CACNB2: variants seen among roughly 807,000 people sequenced by gnomAD.
The protein encoded by CACNB2 is voltage-dependent L-type calcium channel subunit beta-2.
In CACNB2, 42 loss-of-function variants were observed where a neutral mutation model predicts 73.3. The ratio of observed to expected loss-of-function variants is 0.57; its 90% confidence interval spans 0.45 to 0.74. The LOEUF is 0.74. CACNB2 is among the 30% of genes least tolerant of loss of function. The probability of loss-of-function intolerance (pLI) is 0.00; values close to 1 mark genes in which losing one functional copy is unlikely to be tolerated. For missense variants in CACNB2, 940 were observed against 853.0 expected (o/e 1.10, Z -1.27); for synonymous variants, 348 against 310.3 (o/e 1.12, Z -1.28).
intron 2 of CACNB2, among the ~76,000 whole-genome samples, chr10:18,230,137 G>GCATA (rs2036168805): frequency 6.6e-6 from 1 of 152,104 alleles, no homozygotes; most frequent in Non-Finnish European, 1.5e-5. Flanking sequence ...TTACATAGTT[G>GCATA]GTTCAAAAGG....
At chr10:18,358,497 GCTCTCTCTCTCTCTCTCTCT>G (rs59205683) in intron 2 of CACNB2, among the ~76,000 whole-genome samples, 40 of 104,328 alleles carry the variant, frequency 3.8e-4, no homozygotes, top group Middle Eastern at 5.7e-3. Flanking sequence ...TAATGAGCAC[GCTCTCTCTCTCTCTCTCTCT>G]CTCTCTCTCT....
At chr10:18,262,178 A>G (rs1051541788) in intron 2 of CACNB2, among the ~76,000 whole-genome samples, 1 of 152,200 alleles carries the variant, frequency 6.6e-6, no homozygotes, top group Non-Finnish European at 1.5e-5. Flanking sequence ...AAGCTAATCA[A>G]TACTTAAAGT....
chr10:18,442,986 GTATATATA>G (rs369054241), intron 3 of CACNB2, among the ~76,000 whole-genome samples: 2 of 19,246 alleles, frequency 1.0e-4, no homozygotes, highest in Non-Finnish European at 1.6e-4. Flanking sequence ...ATATATATAT[GTATATATA>G]TATGTGTATA....
rs542955765 is a variant in CACNB2 at position 18,270,935 on chromosome 10, C to G, written c.213+119960C>G. Reference sequence around the variant, plus strand: ...ATGCTGGGGAAATATCAAATTTTTACTCTTTCACTACTACCTCTTTATTCC... The same window carrying G: ...ATGCTGGGGAAATATCAAATTTTTAGTCTTTCACTACTACCTCTTTATTCC... On this transcript the variant is annotated intron_variant, in intron 2 of 13. Coordinates refer to ENST00000324631, the MANE Select transcript of CACNB2 (RefSeq NM_201596.3). 1.4e-4 allele frequency among the ~76,000 whole-genome samples: 22 copies of G among 152,272 alleles called. No individual in the cohort carries two copies. The South Asian group carries it at 4.4e-3, about 30-fold the overall frequency.
chr10:18,536,243 C>CTTTTCTTTTTTTTTTTTTTTTTT (rs1327787339), intron 12 of CACNB2, 47 bp downstream of exon 12: 5 of 283,204 alleles, frequency 1.8e-5, no homozygotes, highest in African/African-American at 1.3e-4. Context: ...GAGATCAGAC[C>CTTTTCTTTTTTTTTTTTTTTTTT]TTTTTTTTTT....
intron 2 of CACNB2, among the ~76,000 whole-genome samples, chr10:18,314,962 G>A (rs1284393492): frequency 6.6e-6 from 1 of 152,138 alleles, no homozygotes; most frequent in Non-Finnish European, 1.5e-5. Context: ...AAAAATACTT[G>A]CCCTTAGAAA....
chr10:18,325,590 T>C (rs2040552904), intron 2 of CACNB2, among the ~76,000 whole-genome samples: 1 of 151,826 alleles, frequency 6.6e-6, no homozygotes, highest in Non-Finnish European at 1.5e-5. Context: ...TTTCTTTCTC[T>C]CTTTCTCTGT....
In CACNB2 at chr10:18,336,523, G is replaced by T. The variant is rs1326630602; in HGVS notation, c.214-65401G>T. The stretch of plus-strand genomic sequence containing the variant: ...AATTCCAGCTACTCGAGAGGCTGAG[G>T]CATAAAAATTGCTTGAACCTGGGAG... On this transcript the variant is annotated intron_variant, in intron 2 of 13. Transcript: ENST00000324631. Among the ~76,000 whole-genome samples, 3 of 152,200 alleles carry T rather than the reference G, an allele frequency of 2.0e-5. No homozygotes were observed. In the South Asian group the frequency reaches 6.2e-4, roughly 32 times the overall value.
chr10:18,218,820 CA>C (rs1401958015), intron 2 of CACNB2, among the ~76,000 whole-genome samples: 1 of 151,948 alleles, frequency 6.6e-6, no homozygotes, highest in Non-Finnish European at 1.5e-5. Context: ...GAGCCAAGAT[CA>C]TACCACTGCA....
chr10:18,418,514 C>T (rs1273054186), intron 3 of CACNB2, among the ~76,000 whole-genome samples: 3 of 152,192 alleles, frequency 2.0e-5, no homozygotes, highest in Admixed American at 1.3e-4. Context: ...TGTAATCTAG[C>T]TTAATAGGCA....
At chr10:18,528,738 T>C (rs2052717750) in intron 10 of CACNB2, among the ~76,000 whole-genome samples, 1 of 152,210 alleles carries the variant, frequency 6.6e-6, no homozygotes, top group African/African-American at 2.4e-5. Flanking sequence ...GAGGAAAAAA[T>C]GTAATCATGT....
At chr10:18,386,827 A>G (rs1215971936) in intron 2 of CACNB2, among the ~76,000 whole-genome samples, 1 of 152,214 alleles carries the variant, frequency 6.6e-6, no homozygotes, top group Non-Finnish European at 1.5e-5. Context: ...AGAATATGTC[A>G]TCTATATTCT....
intron 1 of CACNB2, 28 bp from the exon 2 acceptor site, chr10:18,150,855 C>CTTTGTTT: frequency 6.2e-6 from 3 of 483,392 alleles, no homozygotes; most frequent in Non-Finnish European, 3.1e-6. Context: ...TCTTATTTGT[C>CTTTGTTT]TTTTTTTTTT....
intron 2 of CACNB2, among the ~76,000 whole-genome samples, chr10:18,281,091 T>C (rs2038526196): frequency 6.6e-6 from 1 of 152,214 alleles, no homozygotes; most frequent in African/African-American, 2.4e-5. Flanking sequence ...TCTATGCTTC[T>C]TCCACCATTC....
chr10:18,525,951 T>C (rs1163654559), intron 9 of CACNB2, among the ~76,000 whole-genome samples: 1 of 152,244 alleles, frequency 6.6e-6, no homozygotes, highest in Non-Finnish European at 1.5e-5. Flanking sequence ...AAACCATCTT[T>C]TAGCTTTTAA....
intron 6 of CACNB2, chr10:18,513,598 C>T: frequency 6.0e-6 from 2 of 335,520 alleles, no homozygotes; most frequent in Non-Finnish European, 1.2e-5. Context: ...CTTTACGACC[C>T]ATTTTGAACT....
intron 3 of CACNB2, among the ~76,000 whole-genome samples, chr10:18,434,216 A>G (rs11014214): frequency 6.6e-6 from 1 of 152,146 alleles, no homozygotes; most frequent in East Asian, 1.9e-4. Context: ...TTAAAAACAA[A>G]TTTATATTAT....
At chr10:18,394,284 A>G (rs1357220472) in intron 2 of CACNB2, among the ~76,000 whole-genome samples, 1 of 152,136 alleles carries the variant, frequency 6.6e-6, no homozygotes, top group Admixed American at 6.6e-5. Flanking sequence ...GATGTGTGTG[A>G]GAGAGAGCAA....
At chr10:18,358,079 C>A (rs1004508487) in intron 2 of CACNB2, among the ~76,000 whole-genome samples, 7 of 152,130 alleles carry the variant, frequency 4.6e-5, no homozygotes, top group African/African-American at 1.7e-4. Context: ...AAAACACATT[C>A]ATCCATTCAA....
Sources: gnomAD v4.1 joint callset for allele counts (sites outside exome capture counted in the v4.1 genomes callset) on GRCh38, gnomAD v4.1.1 for gene constraint, MANE v1.5 for transcripts, NCBI Gene and HGNC (gene_info 2026-07-23, HGNC 2026-07-21) for gene names.